The following EPHA2 variants were observed in gnomAD, a reference collection of about 807,000 sequenced individuals.
EPHA2 encodes EPH receptor A2, also known as ephrin type-A receptor 2.
EPHA2 carries 54 observed loss-of-function variants against 104.9 expected under a neutral mutation model. The observed-to-expected ratio is 0.51, with a 90% confidence interval of 0.41 to 0.65. The LOEUF is 0.65. Ranked by LOEUF, EPHA2 falls within the 30% of genes least tolerant of loss-of-function variation. EPHA2 has a pLI of 0.00. For missense variants in EPHA2, 1,117 were observed against 1,369.5 expected, an observed-to-expected ratio of 0.82 and a Z score of 2.91; for synonymous variants, 560 against 559.1, an observed-to-expected ratio of 1.00 and a Z score of -0.02.
intron 15 of EPHA2, among the ~76,000 whole-genome samples, chr1:16,129,977 G>A (rs552409476): frequency 6.6e-5 from 10 of 152,296 alleles, no homozygotes; most frequent in Admixed American, 3.3e-4. Context: ...GACTCATCTC[G>A]TAGGTTGTTT....
In EPHA2 at chr1:16,125,697, C is replaced by T. The variant is rs1238141399; in HGVS notation, c.2826-377G>A. The stretch of plus-strand genomic sequence containing the variant: ...AACTGAGGTCAGAGAGGTAAAGTGA[C>T]TTGCCTGAAGTCACACAGCTAGGAG... On this transcript the variant is annotated intron_variant, in intron 16 of 16. Transcript: ENST00000358432. This position sits in a 1 kb window ranked among gnomAD's most constrained non-coding sequence, Gnocchi z 4.9. 6.6e-6 allele frequency among the ~76,000 whole-genome samples: 1 copy of T among 152,192 alleles called. No homozygotes were observed. The highest frequency in any genetic ancestry group is 2.4e-5 in the African/African-American group (1 of 41,442).
intron 3 of EPHA2, among the ~76,000 whole-genome samples, chr1:16,143,704 T>C (rs1307636066): frequency 6.6e-6 from 1 of 152,124 alleles, no homozygotes; most frequent in Non-Finnish European, 1.5e-5. Context: ...CAAGAGGTCA[T>C]GGTGGCAATT....
chr1:16,151,899 C>T (rs2025045099), intron 1 of EPHA2, among the ~76,000 whole-genome samples: 1 of 152,162 alleles, frequency 6.6e-6, no homozygotes, highest in South Asian at 2.1e-4. Flanking sequence ...TTCCCTAGAC[C>T]TAGTCCTGCC....
At position 16,135,268 on chromosome 1, in the gene EPHA2, C is replaced by T; in HGVS notation, c.1429-79G>A. 1 of 1,584,780 alleles carries T rather than the reference C, an allele frequency of 6.3e-7. No homozygotes were observed. Among genetic ancestry groups the T allele is most frequent in the Admixed American group, 1.7e-5 (1 of 59,366 alleles). ...CGGCTCAGCCCGCTGGAGACCACCC[C>T]AAGCTAGCAAGGTGGCTTGCCTTTG... On this transcript the variant is annotated intron_variant, in intron 6 of 16. Transcript: ENST00000358432. The surrounding 1 kb of genome is among the most constrained non-coding windows in gnomAD (Gnocchi z 4.3).
chr1:16,146,012 A>ACGACACCCGTCTACGGTAG (rs2024925420), intron 3 of EPHA2, among the ~76,000 whole-genome samples: 1 of 152,160 alleles, frequency 6.6e-6, no homozygotes, highest in South Asian at 2.1e-4. Context: ...TGCCCCTCGG[A>ACGACACCCGTCTACGGTAG]CGACACCCGT....
chr1:16,147,167 C>A (rs554079903), intron 3 of EPHA2, among the ~76,000 whole-genome samples: 26 of 152,362 alleles, frequency 1.7e-4, no homozygotes, highest in South Asian at 8.3e-4. Context: ...CGGCTTCCTC[C>A]ATGTGAACTC....
chr1:16,127,463 A>G (rs1037781574), intron 16 of EPHA2, among the ~76,000 whole-genome samples: 2 of 152,166 alleles, frequency 1.3e-5, no homozygotes, highest in African/African-American at 2.4e-5. Context: ...GTGGGACCCC[A>G]GGGGACCAGG....
intron 5 of EPHA2, 36 bp downstream of exon 5, chr1:16,137,817 G>A (rs1171138022): frequency 1.2e-6 from 2 of 1,611,450 alleles, no homozygotes; most frequent in African/African-American, 1.3e-5. Flanking sequence ...ACCTGGGCAG[G>A]CCCCATAGGG....
rs752962488 is a variant in EPHA2 at position 16,135,651 on chromosome 1, T to TTA, written c.1428+2_1428+3dup. On this transcript the variant is annotated splice_donor_region_variant and intron_variant, in intron 6 of 16. Coordinates refer to ENST00000358432, the MANE Select transcript of EPHA2 (RefSeq NM_004431.5). The surrounding 1 kb of genome is among the most constrained non-coding windows in gnomAD (Gnocchi z 4.3). ...AGAGCCAGCCCCGCCCCTCTGGGAG[T>TTA]TACCTTCTTGCGGTAAGTGACCTCG... The TTA allele has an allele frequency of 1.2e-6, 2 of 1,613,478 alleles. No individual in the cohort carries two copies. The highest frequency in any genetic ancestry group is 1.7e-6 in the Non-Finnish European group (2 of 1,179,792).
At chr1:16,137,469 G>A (rs530599020) in intron 5 of EPHA2, among the ~76,000 whole-genome samples, 11 of 152,174 alleles carry the variant, frequency 7.2e-5, no homozygotes, top group African/African-American at 2.2e-4. Context: ...GTGGTGGCAC[G>A]TGCCTGTAAT....
At chr1:16,145,881 T>C (rs533772861) in intron 3 of EPHA2, among the ~76,000 whole-genome samples, 3 of 152,346 alleles carry the variant, frequency 2.0e-5, no homozygotes, top group African/African-American at 7.2e-5. Context: ...CAAGCCTCTT[T>C]AGCTCTCTGA....
At chr1:16,155,059 G>C (rs545080485) in intron 1 of EPHA2, among the ~76,000 whole-genome samples, 1 of 152,222 alleles carries the variant, frequency 6.6e-6, no homozygotes, top group East Asian at 1.9e-4. Flanking sequence ...ACTGGGGCGG[G>C]GGTGGGTGAT....
At chr1:16,144,881 C>T (rs1488763916) in intron 3 of EPHA2, among the ~76,000 whole-genome samples, 2 of 152,246 alleles carry the variant, frequency 1.3e-5, no homozygotes, top group Non-Finnish European at 2.9e-5. Flanking sequence ...AGTCCTCATC[C>T]TCTCTGGGTT....
Position 16,129,580 on chromosome 1 carries a change from G to A in EPHA2, c.2679C>T (p.Ile893=). Residue 893 remains isoleucine (I), a synonymous_variant, in exon 16 of 17, where the codon ATC becomes ATT. Coordinates refer to ENST00000358432, the MANE Select transcript of EPHA2 (RefSeq NM_004431.5). ...CCGAGCCGCTCGTGCTGGGGAGCCG[G>A]ATAGACACGCTGCAACAGGAAGCAC... is the stretch of plus-strand genomic sequence containing the variant. The part of the protein sequence containing the change: ...TLADFDPRVS[I]RLPSTSGSEG... The A allele has an allele frequency of 6.2e-7, 1 of 1,610,740 alleles. No individual in the cohort carries two copies. The highest frequency in any genetic ancestry group is 8.5e-7 in the Non-Finnish European group (1 of 1,179,582).
intron 11 of EPHA2, 142 bp from the exon 12 acceptor site, chr1:16,132,581 G>A: frequency 1.2e-6 from 1 of 869,460 alleles, no homozygotes; most frequent in South Asian, 1.5e-5. Context: ...TGGGGAGGGT[G>A]GGTACAGGTA....
intron 1 of EPHA2, chr1:16,153,164 C>A (rs2124274467): frequency 1.0e-6 from 1 of 985,380 alleles, no homozygotes; most frequent in Non-Finnish European, 1.2e-6. Flanking sequence ...TCCTTCTTTG[C>A]CATGAGTTCC....
chr1:16,145,117 T>G (rs1302137062), intron 3 of EPHA2, among the ~76,000 whole-genome samples: 1 of 152,210 alleles, frequency 6.6e-6, no homozygotes, highest in Non-Finnish European at 1.5e-5. Context: ...CCAAGGCTGC[T>G]GGCCACCTGC....
At chr1:16,133,745 G>A (rs966475470) in intron 9 of EPHA2, 115 bp downstream of exon 9, 58 of 1,484,706 alleles carry the variant, frequency 3.9e-5, no homozygotes, top group South Asian at 2.2e-4. Flanking sequence ...AGCTGCCCAC[G>A]GAAGCCTGTG....
Position 16,130,857 on chromosome 1 carries a change from T to G in EPHA2, c.2476-438A>C, listed in dbSNP as rs367991164. Among the ~76,000 whole-genome samples the G allele has an allele frequency of 3.9e-5, 6 of 152,248 alleles. No homozygotes were observed. The highest frequency in any genetic ancestry group is 2.6e-4 in the Admixed American group (4 of 15,292). Reference sequence around the variant, plus strand: ...GTTGTCCAGGCTGGTCTCGAACTCCTGAGCTCAAGCGATACTCCTGCCTCA... The same window carrying G: ...GTTGTCCAGGCTGGTCTCGAACTCCGGAGCTCAAGCGATACTCCTGCCTCA... On this transcript the variant is annotated intron_variant, in intron 14 of 16. Coordinates refer to ENST00000358432, the MANE Select transcript of EPHA2 (RefSeq NM_004431.5). This position sits in a 1 kb window ranked among gnomAD's most constrained non-coding sequence, Gnocchi z 4.5.
Sources: allele counts gnomAD v4.1 joint callset (sites outside exome capture counted in the v4.1 genomes callset), GRCh38; gene constraint gnomAD v4.1.1; non-coding constraint Gnocchi (gnomAD v3.1); transcripts MANE v1.5; gene names NCBI Gene and HGNC (gene_info 2026-07-23, HGNC 2026-07-21).